The following THSD7A variants were observed in gnomAD, a reference collection of about 807,000 sequenced individuals.
THSD7A encodes the protein thrombospondin type 1 domain containing 7A.
In THSD7A, 96 loss-of-function variants were observed where a neutral mutation model predicts 231.3. The observed-to-expected ratio is 0.41, with a 90% CI of 0.35 to 0.49. THSD7A has a LOEUF of 0.49. Among genes scored for constraint, THSD7A ranks in the 20% least tolerant of loss-of-function variants. The probability of loss-of-function intolerance (pLI) is 0.05; values close to 1 mark genes in which losing one functional copy is unlikely to be tolerated. For missense variants in THSD7A, 2,290 were observed against 2,070.2 expected, an observed-to-expected ratio of 1.11 and a Z score of -2.06; for synonymous variants, 940 against 743.3, an observed-to-expected ratio of 1.26 and a Z score of -4.30.
At chr7:11,500,336 G>C (rs1326632114) in intron 6 of THSD7A, among the ~76,000 whole-genome samples, 1 of 152,102 alleles carries the variant, frequency 6.6e-6, no homozygotes, top group Non-Finnish European at 1.5e-5. Context: ...AGACAGGAAA[G>C]ACCACTACCA....
At position 11,375,875 on chromosome 7, in the gene THSD7A, T is replaced by C; in HGVS notation, c.4893A>G (p.Lys1631=). The change falls in exon 28 of 28, where the codon AAA becomes AAG. Residue 1631 remains lysine (K), a synonymous_variant. Transcript: ENST00000423059. ...GCCTTCTTTGGGGTTTCTTTGGCTTTTTGCTGTAAAAAAATTCGGAATTAG... is the reference window on the plus strand; with the variant it reads ...GCCTTCTTTGGGGTTTCTTTGGCTTCTTGCTGTAAAAAAATTCGGAATTAG... ...FIVSMIYLAC[K]KPKKPQRRQN... The C allele has an allele frequency of 6.2e-7, 1 of 1,612,518 alleles. No homozygotes were observed. The highest frequency in any genetic ancestry group is 8.5e-7 in the Non-Finnish European group (1 of 1,178,946).
chr7:11,758,753 C>T (rs1232418197), intron 1 of THSD7A, among the ~76,000 whole-genome samples: 1 of 152,188 alleles, frequency 6.6e-6, no homozygotes, highest in Non-Finnish European at 1.5e-5. Context: ...ATGGCTTAAA[C>T]TAGTGGTTAT....
chr7:11,699,291 G>A (rs1156747449), intron 1 of THSD7A, among the ~76,000 whole-genome samples: 2 of 151,206 alleles, frequency 1.3e-5, no homozygotes, highest in African/African-American at 4.8e-5. Context: ...GTATTTTAAA[G>A]TAAAATTTAA....
chr7:11,522,406 C>A (rs7783037), intron 6 of THSD7A, among the ~76,000 whole-genome samples: 37,253 of 151,854 alleles, frequency 0.25, 5,396 homozygotes, highest in African/African-American at 0.41. Context: ...GCATTGATTT[C>A]CACAAGTTAT....
intron 1 of THSD7A, among the ~76,000 whole-genome samples, chr7:11,809,635 CA>C (rs1652026891): frequency 5.9e-5 from 9 of 152,190 alleles, no homozygotes; most frequent in African/African-American, 1.4e-4. Context: ...TTTCAGTAAG[CA>C]TTATTGTATC....
intron 14 of THSD7A, among the ~76,000 whole-genome samples, chr7:11,428,245 A>G (rs1784380436): frequency 1.3e-5 from 2 of 152,212 alleles, no homozygotes; most frequent in South Asian, 4.1e-4. Context: ...ATTCACTTAT[A>G]GGCCAAACAT....
intron 1 of THSD7A, among the ~76,000 whole-genome samples, chr7:11,701,857 G>C (rs1780612364): frequency 6.6e-6 from 1 of 151,156 alleles, no homozygotes; most frequent in African/African-American, 2.4e-5. Flanking sequence ...ACAAAATCCA[G>C]CTTCTCAATC....
chr7:11,382,505 G>T lies in THSD7A; in HGVS notation c.4507+16C>A. The T allele has an allele frequency of 6.3e-7, 1 of 1,596,464 alleles. No homozygotes were observed. Among genetic ancestry groups the T allele is most frequent in the Non-Finnish European group, 8.6e-7 (1 of 1,165,164 alleles). On this transcript the variant is annotated intron_variant, in intron 24 of 27. Coordinates refer to ENST00000423059, the MANE Select transcript of THSD7A (RefSeq NM_015204.3). ...CAGGAAGATTTTCAAAGGACAAAGA[G>T]AAACTGGAGGTTTACCTGTTACATT...
At chr7:11,751,679 A>G (rs1782506380) in intron 1 of THSD7A, among the ~76,000 whole-genome samples, 1 of 152,028 alleles carries the variant, frequency 6.6e-6, no homozygotes, top group Admixed American at 6.6e-5. Context: ...CATTCCTGTC[A>G]AATTAAAAAT....
rs150129467 is a variant in THSD7A, at chr7:11,653,006, A to AT, written c.191-16046dup. ...AGGAATAGCTTAATTTTTTAGTAAC[A>AT]TCTTCTCAACTTACTTACTATAAGC... On this transcript the variant is annotated intron_variant, in intron 1 of 27. Coordinates refer to ENST00000423059, the MANE Select transcript of THSD7A (RefSeq NM_015204.3). 4.2e-3 allele frequency among the ~76,000 whole-genome samples: 637 copies of AT among 152,080 alleles called. 3 individuals are homozygous for AT. The highest frequency in any genetic ancestry group is 0.015 in the African/African-American group (604 of 41,528).
chr7:11,821,024 T>C (rs1328684803), intron 1 of THSD7A: 1 of 989,284 alleles, frequency 1.0e-6, no homozygotes, highest in Non-Finnish European at 1.6e-6. Context: ...AGCCAGGTTT[T>C]CTGGGACTTT....
intron 1 of THSD7A, among the ~76,000 whole-genome samples, chr7:11,711,599 T>C (rs539102819): frequency 4.0e-5 from 6 of 151,254 alleles, no homozygotes; most frequent in African/African-American, 7.2e-5. Flanking sequence ...CATGAGATGA[T>C]GAAGGTGAAC....
In THSD7A at chr7:11,622,097, G is replaced by C. The variant is rs77876021; in HGVS notation, c.1022+14033C>G. Among the ~76,000 whole-genome samples, 795 of 152,118 alleles carry C rather than the reference G, an allele frequency of 5.2e-3. 49 individuals are homozygous for C. The East Asian group carries it at 0.14, about 27-fold the overall frequency. On this transcript the variant is annotated intron_variant, in intron 2 of 27. Transcript: ENST00000423059. ...AATGTTAATGGAAAGACATATTAAA[G>C]TAAAATGTATATATTTACAAAGTAA...
At chr7:11,735,860 T>C (rs1232133468) in intron 1 of THSD7A, among the ~76,000 whole-genome samples, 9 of 151,826 alleles carry the variant, frequency 5.9e-5, no homozygotes, top group Non-Finnish European at 1.2e-4. Context: ...ACATGGAAAA[T>C]TGACATACAC....
At chr7:11,694,475 C>T (rs574291712) in intron 1 of THSD7A, among the ~76,000 whole-genome samples, 2 of 151,592 alleles carry the variant, frequency 1.3e-5, no homozygotes, top group East Asian at 3.9e-4. Flanking sequence ...AAACAGATGA[C>T]CAAGATTATT....
At chr7:11,628,852 C>T (rs1257894426) in intron 2 of THSD7A, among the ~76,000 whole-genome samples, 1 of 152,078 alleles carries the variant, frequency 6.6e-6, no homozygotes, top group East Asian at 1.9e-4. Context: ...CAATCAGGGC[C>T]AGCAGAAAAC....
intron 1 of THSD7A, among the ~76,000 whole-genome samples, chr7:11,673,981 C>T (rs566400558): frequency 6.6e-6 from 1 of 151,996 alleles, no homozygotes. Flanking sequence ...GTCCAGGGAT[C>T]TTCGAACTCT....
chr7:11,639,993 G>T lies in THSD7A; in HGVS notation c.191-3032C>A, dbSNP rs545259778. On this transcript the variant is annotated intron_variant, in intron 1 of 27. Coordinates refer to ENST00000423059, the MANE Select transcript of THSD7A (RefSeq NM_015204.3). ...AGTTCATTCTAAAATAAAAGTAGAA[G>T]ATGGTTGCTTTGAAAATGATTCATC... Among the ~76,000 whole-genome samples the T allele has an allele frequency of 7.2e-5, 11 of 152,278 alleles. No individual in the cohort carries two copies. In the Middle Eastern group the frequency reaches 0.02, roughly 283 times the overall value.
chr7:11,688,538 TC>T, intron 1 of THSD7A, among the ~76,000 whole-genome samples: 1 of 151,916 alleles, frequency 6.6e-6, no homozygotes, highest in Non-Finnish European at 1.5e-5. Context: ...AAGCGAGACT[TC>T]CCTTACAGAA....
Sources: allele counts gnomAD v4.1 joint callset (sites outside exome capture counted in the v4.1 genomes callset), GRCh38; gene constraint gnomAD v4.1.1; transcripts MANE v1.5; gene names NCBI Gene and HGNC (gene_info 2026-07-23, HGNC 2026-07-21).